Variants in BICDL1 observed in about 807,000 individuals in gnomAD.
BICDL1 encodes BICD family-like cargo adapter 1.
In BICDL1, 20 loss-of-function variants were observed where a neutral mutation model predicts 76.8. The ratio of observed to expected loss-of-function variants is 0.26; its 90% CI spans 0.18 to 0.38. The LOEUF (loss-of-function observed/expected upper bound fraction) is 0.38, where lower values mean the gene tolerates loss of function less well. Ranked by LOEUF, BICDL1 falls within the 10% of genes least tolerant of loss-of-function variation. BICDL1 has a pLI of 1.00. For synonymous variants in BICDL1, 383 were observed against 337.1 expected (o/e 1.14, Z -1.49); for missense variants, 700 against 798.6 (o/e 0.88, Z 1.49).
At chr12:119,998,096 G>A (rs73408780) in intron 1 of BICDL1, among the ~76,000 whole-genome samples, 2,278 of 151,862 alleles carry the variant, frequency 0.015, 61 homozygotes, top group African/African-American at 0.053. Flanking sequence ...CCTGGGCGAC[G>A]GAGTCTTACC....
intron 1 of BICDL1, among the ~76,000 whole-genome samples, chr12:119,997,887 G>A (rs750778067): frequency 2.0e-5 from 3 of 152,124 alleles, no homozygotes; most frequent in African/African-American, 2.4e-5. Flanking sequence ...AGGCCGGGCC[G>A]GGGGGATCAC....
intron 2 of BICDL1, among the ~76,000 whole-genome samples, chr12:120,061,426 G>A (rs569556446): frequency 6.6e-6 from 1 of 151,206 alleles, no homozygotes; most frequent in African/African-American, 2.4e-5. Context: ...TATATGTAGA[G>A]TAATAATGAT....
chr12:120,065,603 G>A (rs767473845), intron 4 of BICDL1, among the ~76,000 whole-genome samples: 1 of 152,218 alleles, frequency 6.6e-6, no homozygotes, highest in Non-Finnish European at 1.5e-5. Flanking sequence ...GGCTGGCCTA[G>A]GAGGACTTGG....
intron 4 of BICDL1, among the ~76,000 whole-genome samples, chr12:120,065,464 C>T (rs1953200466): frequency 6.6e-6 from 1 of 152,194 alleles, no homozygotes; most frequent in African/African-American, 2.4e-5. Flanking sequence ...TATTTGGGAA[C>T]TGCTACCGGG....
chr12:120,035,636 C>T (rs1011545443), intron 2 of BICDL1, among the ~76,000 whole-genome samples: 1 of 152,102 alleles, frequency 6.6e-6, no homozygotes, highest in Non-Finnish European at 1.5e-5. Flanking sequence ...GCCCTTGCGT[C>T]AAAATCTTTT....
intron 2 of BICDL1, among the ~76,000 whole-genome samples, chr12:120,012,046 A>T (rs756273062): frequency 1.6e-4 from 24 of 152,170 alleles, no homozygotes; most frequent in African/African-American, 2.7e-4. Context: ...GTCTCACATG[A>T]TGTGGTATAT....
intron 3 of BICDL1, 30 bp from the exon 4 acceptor site, chr12:120,064,703 C>T (rs1245372305): frequency 6.3e-7 from 1 of 1,581,996 alleles, no homozygotes; most frequent in East Asian, 2.3e-5. Flanking sequence ...TGTAACTCCA[C>T]ACCACCCCTG....
At chr12:120,024,501 C>CA (rs1294298126) in intron 2 of BICDL1, among the ~76,000 whole-genome samples, 2 of 152,100 alleles carry the variant, frequency 1.3e-5, no homozygotes, top group African/African-American at 4.8e-5. Flanking sequence ...AACTTTTGAA[C>CA]AAATAATGGC....
chr12:120,025,865 T>C (rs1277301618), intron 2 of BICDL1, among the ~76,000 whole-genome samples: 1 of 151,700 alleles, frequency 6.6e-6, no homozygotes, highest in Non-Finnish European at 1.5e-5. Flanking sequence ...GGAGACAGAG[T>C]TTTGCTCTGT....
At chr12:120,040,167 A>G (rs1404190469) in intron 2 of BICDL1, among the ~76,000 whole-genome samples, 1 of 151,422 alleles carries the variant, frequency 6.6e-6, no homozygotes, top group Non-Finnish European at 1.5e-5. Context: ...CAGTGGTGCA[A>G]TTTCTGCTCA....
chr12:120,079,299 G>A lies in BICDL1; in HGVS notation c.1453-1588G>A, dbSNP rs1156782209. On this transcript the variant is annotated intron_variant, in intron 7 of 9. Transcript: ENST00000548673. This position sits in a 1 kb window ranked among gnomAD's most constrained non-coding sequence, Gnocchi z 4.3. The stretch of plus-strand genomic sequence containing the variant: ...CAGGGGCTGGCAGCTCTGCCGTCTC[G>A]TTCTGGAGAATGTCTGAAATGTATT... 2.0e-5 allele frequency among the ~76,000 whole-genome samples: 3 copies of A among 152,204 alleles called. No homozygotes were observed. The highest frequency in any genetic ancestry group is 4.1e-4 in the South Asian group (2 of 4,830).
At chr12:119,995,413 C>T (rs1951621743) in intron 1 of BICDL1, among the ~76,000 whole-genome samples, 1 of 152,192 alleles carries the variant, frequency 6.6e-6, no homozygotes, top group Admixed American at 6.5e-5. Context: ...ACCACCTGTC[C>T]TCAGCCCTGC....
rs531632361 is a variant in BICDL1 at position 119,994,596 on chromosome 12, TCTC to T, written c.430-3922_430-3920del. On this transcript the variant is annotated intron_variant, in intron 1 of 9. Coordinates refer to ENST00000548673, the MANE Select transcript of BICDL1 (RefSeq NM_001367886.1). ...CCTCCGCCTCCCGGGTTCAAACAAT[TCTC>T]CTGCCTCAGCCTCCTGAGTAGCTGG... is the stretch of plus-strand genomic sequence containing the variant. 8.9e-4 allele frequency among the ~76,000 whole-genome samples: 136 copies of T among 152,176 alleles called. 1 individual carries two copies. The highest frequency in any genetic ancestry group is 1.4e-3 in the Non-Finnish European group (98 of 68,012).
intron 8 of BICDL1, among the ~76,000 whole-genome samples, chr12:120,087,449 G>A (rs1874521135): frequency 6.6e-6 from 1 of 152,242 alleles, no homozygotes; most frequent in Non-Finnish European, 1.5e-5. Context: ...CACTTTGCAA[G>A]TGGGATCCAC....
intron 2 of BICDL1, among the ~76,000 whole-genome samples, chr12:120,032,680 T>A (rs1044149810): frequency 2.6e-5 from 4 of 151,976 alleles, no homozygotes; most frequent in African/African-American, 4.8e-5. Flanking sequence ...CAGAGATTGC[T>A]ACTGAAAACA....
At chr12:120,092,544 G>A in intron 9 of BICDL1, 3 of 985,486 alleles carry the variant, frequency 3.0e-6, no homozygotes, top group Non-Finnish European at 3.6e-6. Flanking sequence ...AGCCCCTGAG[G>A]CCAGGCCATT....
At chr12:120,028,675 T>C (rs1401883178) in intron 2 of BICDL1, among the ~76,000 whole-genome samples, 2 of 151,950 alleles carry the variant, frequency 1.3e-5, no homozygotes, top group African/African-American at 4.8e-5. Flanking sequence ...AGACTCAGAC[T>C]CAAAAATAAT....
At chr12:119,998,092 C>T (rs915548652) in intron 1 of BICDL1, among the ~76,000 whole-genome samples, 10 of 151,862 alleles carry the variant, frequency 6.6e-5, no homozygotes, top group Admixed American at 1.3e-4. Flanking sequence ...CCAGCCTGGG[C>T]GACGGAGTCT....
At chr12:120,090,983 T>C (rs1175122122) in intron 9 of BICDL1, 1 of 1,288,916 alleles carries the variant, frequency 7.8e-7, no homozygotes, top group South Asian at 1.2e-5. Context: ...AGTTCCCGTA[T>C]CAACAGCTTT....
Sources: gnomAD v4.1 joint callset for allele counts (sites outside exome capture counted in the v4.1 genomes callset) on GRCh38, gnomAD v4.1.1 for gene constraint, Gnocchi (gnomAD v3.1) non-coding constraint, MANE v1.5 for transcripts, NCBI Gene and HGNC (gene_info 2026-07-23, HGNC 2026-07-21) for gene names.